SLC6A13: variants seen among roughly 807,000 people sequenced by gnomAD.
SLC6A13 encodes the protein solute carrier family 6 member 13, also known as sodium- and chloride-dependent GABA transporter 2.
SLC6A13 carries 69 observed loss-of-function variants against 72.9 expected under a neutral mutation model. The ratio of observed to expected loss-of-function variants is 0.95; its 90% CI spans 0.78 to 1.16. SLC6A13 has a LOEUF of 1.16. SLC6A13 is among the 50% of genes most tolerant of loss of function. The pLI, the probability that SLC6A13 is intolerant of heterozygous loss-of-function variation, is 0.00. For synonymous variants in SLC6A13, 303 were observed against 303.0 expected, an observed-to-expected ratio of 1.00 and a Z score of 0.00; for missense variants, 735 against 760.5, an observed-to-expected ratio of 0.97 and a Z score of 0.39.
At position 259,638 on chromosome 12, in the gene SLC6A13, C is replaced by T. The variant is rs368027427; in HGVS notation, c.202+213G>A. The stretch of plus-strand genomic sequence containing the variant: ...GTTCCAGCTTGTGCTCATATTTCTA[C>T]GATGCCACGTTATAATAGAAAGAGC... On this transcript the variant is annotated intron_variant, in intron 2 of 14. Coordinates refer to ENST00000343164, the MANE Select transcript of SLC6A13 (RefSeq NM_016615.5). 9.2e-5 allele frequency: 131 copies of T among 1,429,582 alleles called. No homozygotes were observed. The East Asian group carries it at 2.8e-3, about 30-fold the overall frequency. 88.6% of individuals were successfully genotyped at this position (1,429,582 alleles called of 1,614,324 possible). A position where few individuals can be genotyped will look rare whatever the true frequency, so the allele number is the denominator to read the frequency against.
chr12:227,818 C>T, intron 7 of SLC6A13, 150 bp from the exon 8 acceptor site: 1 of 672,200 alleles, frequency 1.5e-6, no homozygotes, highest in Non-Finnish European at 2.5e-6. Flanking sequence ...GCTACCTCTG[C>T]TCACCCCAGT....
chr12:227,369 T>G, intron 8 of SLC6A13, 196 bp downstream of exon 8: 4 of 516,076 alleles, frequency 7.8e-6, no homozygotes, highest in Non-Finnish European at 1.0e-5. Context: ...ATCCCACCCT[T>G]TCGGATGCAA....
At position 237,251 on chromosome 12, in the gene SLC6A13, C is replaced by T. The variant is rs773950185; in HGVS notation, c.603G>A (p.Leu201=). The change falls in exon 6 of 15, where the codon CTG becomes CTA. Residue 201 remains leucine, a synonymous_variant. Coordinates refer to ENST00000343164, the MANE Select transcript of SLC6A13 (RefSeq NM_016615.5). ...GAGCCAGCTCCCAGCGCAGGGCCCCCAGGTGCTGGATCCCATCAGAGATCT... is the reference window on the plus strand; with the variant it reads ...GAGCCAGCTCCCAGCGCAGGGCCCCTAGGTGCTGGATCCCATCAGAGATCT... ...VLKISDGIQH[L]GALRWELALC... The T allele has an allele frequency of 6.2e-7, 1 of 1,614,208 alleles. No homozygotes were observed. The highest frequency in any genetic ancestry group is 1.3e-5 in the African/African-American group (1 of 75,050).
intron 7 of SLC6A13, among the ~76,000 whole-genome samples, chr12:227,989 G>C (rs1941538905): frequency 1.3e-5 from 2 of 152,116 alleles, no homozygotes; most frequent in African/African-American, 4.8e-5. Flanking sequence ...CTCCTGTCAG[G>C]TTTTTGATCC....
chr12:234,491 T>G (rs1941844229), intron 7 of SLC6A13, among the ~76,000 whole-genome samples: 1 of 146,838 alleles, frequency 6.8e-6, no homozygotes, highest in African/African-American at 2.5e-5. Flanking sequence ...TTTTATTTTA[T>G]TTTATTTCAT....
At chr12:234,769 C>T (rs1375820688) in intron 7 of SLC6A13, among the ~76,000 whole-genome samples, 3 of 152,312 alleles carry the variant, frequency 2.0e-5, no homozygotes, top group East Asian at 1.9e-4. Context: ...CCACCCACTT[C>T]GGCCTCCCAA....
chr12:242,122 A>G (rs1421591545), intron 4 of SLC6A13, among the ~76,000 whole-genome samples: 1 of 152,162 alleles, frequency 6.6e-6, no homozygotes, highest in Admixed American at 6.5e-5. Flanking sequence ...TACCCTTGTC[A>G]TTAAGCGACA....
chr12:240,754 T>G (rs1395331392), intron 4 of SLC6A13, among the ~76,000 whole-genome samples: 2 of 152,246 alleles, frequency 1.3e-5, no homozygotes, highest in African/African-American at 4.8e-5. Context: ...AATGCCATCC[T>G]GGGGTGTCGG....
At chr12:225,682 G>A (rs958887197) in intron 9 of SLC6A13, among the ~76,000 whole-genome samples, 6 of 151,304 alleles carry the variant, frequency 4.0e-5, no homozygotes, top group Non-Finnish European at 8.8e-5. Context: ...AAAAGAGGGA[G>A]AGAGAGACAC....
rs141514962 is a variant in SLC6A13, at chr12:242,720, G to A, written c.372C>T (p.Leu124=). The A allele has an allele frequency of 2.4e-5, 38 of 1,600,368 alleles. No individual in the cohort carries two copies. The African/African-American group carries it at 4.3e-4, about 18-fold the overall frequency. ...ACACAATGATGTAGTAGACGTTGAG[G>A]AGGATGACGATCATCTGGGAGGCAT... ...IGYASQMIVI[L]LNVYYIIVLA... The change falls in exon 4 of 15, where the codon CTC becomes CTT. Residue 124 remains leucine (L), a synonymous_variant. Coordinates refer to ENST00000343164, the MANE Select transcript of SLC6A13 (RefSeq NM_016615.5).
At chr12:224,151 T>C (rs1358370262) in intron 10 of SLC6A13, 22 bp from the exon 11 acceptor site, 9 of 1,613,480 alleles carry the variant, frequency 5.6e-6, no homozygotes, top group Admixed American at 1.7e-5. Flanking sequence ...GGCAAAGGGA[T>C]TGGAGGGAAG....
At chr12:253,988 G>A (rs557168106) in intron 2 of SLC6A13, among the ~76,000 whole-genome samples, 8 of 152,280 alleles carry the variant, frequency 5.3e-5, no homozygotes, top group South Asian at 2.1e-4. Context: ...TAAATTCCCC[G>A]CTGGCTATGG....
chr12:233,724 T>G (rs1165398706), intron 7 of SLC6A13, among the ~76,000 whole-genome samples: 1 of 152,068 alleles, frequency 6.6e-6, no homozygotes, highest in Non-Finnish European at 1.5e-5. Flanking sequence ...GGACTGTGAG[T>G]GACACTTATG....
chr12:246,132 A>AAAATAAATGAATGAATAAATAAAT (rs374765064), intron 2 of SLC6A13, among the ~76,000 whole-genome samples: 1 of 146,902 alleles, frequency 6.8e-6, no homozygotes, highest in Non-Finnish European at 1.5e-5. Flanking sequence ...AATAAAAGTA[A>AAAATAAATGAATGAATAAATAAAT]AAATAAATAA....
At chr12:255,813 C>T (rs1455487157) in intron 2 of SLC6A13, among the ~76,000 whole-genome samples, 1 of 152,012 alleles carries the variant, frequency 6.6e-6, no homozygotes, top group Non-Finnish European at 1.5e-5. Flanking sequence ...TGATCTGCCC[C>T]TCTCCCTGTC....
intron 7 of SLC6A13, among the ~76,000 whole-genome samples, chr12:230,548 C>T (rs1296567466): frequency 2.0e-5 from 3 of 152,104 alleles, no homozygotes; most frequent in African/African-American, 7.2e-5. Flanking sequence ...ATGTAAAATG[C>T]CTAACACATA....
intron 11 of SLC6A13, among the ~76,000 whole-genome samples, chr12:223,524 T>C (rs185998433): frequency 6.6e-6 from 1 of 152,076 alleles, no homozygotes; most frequent in East Asian, 1.9e-4. Flanking sequence ...AGACATAGAG[T>C]GTACTCTTTG....
At chr12:223,282 A>G (rs1418781780) in intron 11 of SLC6A13, 48 bp from the exon 12 acceptor site, 2 of 1,283,026 alleles carry the variant, frequency 1.6e-6, no homozygotes, top group Non-Finnish European at 2.2e-6. Flanking sequence ...CAGTGGAAAC[A>G]GAAAGATTCA....
At position 235,224 on chromosome 12, in the gene SLC6A13, C is replaced by T. The variant is rs1349643350; in HGVS notation, c.697G>A (p.Val233Met). 3 of 1,614,186 alleles carry T rather than the reference C, an allele frequency of 1.9e-6. No homozygotes were observed. The highest frequency in any genetic ancestry group is 8.5e-7 in the Non-Finnish European group (1 of 1,180,012). ...IWKGVKSTGKVVYFTATFPYL... is the reference protein window; with the variant it reads ...IWKGVKSTGKMVYFTATFPYL... ...GGAAATGTGGCCGTGAAGTACACCA[C>T]CTGGTCATGGGCAAATGAGAGACAA... Residue 233 changes from valine (V) to methionine (M), a missense_variant and splice_region_variant, in exon 7 of 15, where the codon GTG (valine) becomes ATG (methionine). By Grantham distance (21) the Val-to-Met change is conservative. Transcript: ENST00000343164.
Sources: allele counts gnomAD v4.1 joint callset (sites outside exome capture counted in the v4.1 genomes callset), GRCh38; gene constraint gnomAD v4.1.1; transcripts MANE v1.5; gene names NCBI Gene and HGNC (gene_info 2026-07-23, HGNC 2026-07-21).